The following FCHO1 variants were observed in gnomAD, a reference collection of about 807,000 sequenced individuals.
FCHO1 encodes F-BAR domain only protein 1.
FCHO1 carries 45 observed loss-of-function variants against 114.4 expected under a neutral mutation model. That is an observed-to-expected ratio of 0.39 (90% CI 0.31 to 0.50). The LOEUF (loss-of-function observed/expected upper bound fraction) is 0.50. Among genes scored for constraint, FCHO1 ranks in the 20% least tolerant of loss-of-function variants. The probability of loss-of-function intolerance (pLI) is 0.77; values close to 1 mark genes in which losing one functional copy is unlikely to be tolerated. For missense variants in FCHO1, 1,042 were observed against 1,209.6 expected, an observed-to-expected ratio of 0.86 and a Z score of 2.06; for synonymous variants, 480 against 488.9, an observed-to-expected ratio of 0.98 and a Z score of 0.24.
chr19:17,772,729 C>G lies in FCHO1; in HGVS notation c.778C>G (p.Arg260Gly). ...RKFAESKGTG[R>G]EKPGPLDFEA... Reference sequence around the variant, plus strand: ...GTTTGCAGAGAGTAAGGGCACAGGCCGGGAGAAGCCTGGTGAGTCAGGGCA... The same window carrying G: ...GTTTGCAGAGAGTAAGGGCACAGGCGGGGAGAAGCCTGGTGAGTCAGGGCA... The change falls in exon 11 of 29, where the codon CGG becomes GGG. Residue 260 changes from arginine (R) to glycine (G), a missense_variant. Coordinates refer to ENST00000596536, the MANE Select transcript of FCHO1 (RefSeq NM_015122.3). The G allele has an allele frequency of 6.2e-7, 1 of 1,614,042 alleles. No individual in the cohort carries two copies. The highest frequency in any genetic ancestry group is 1.1e-5 in the South Asian group (1 of 91,068).
Position 17,784,964 on chromosome 19 carries a change from C to A in FCHO1, c.2426+40C>A. ...GAGGCCAAGGAAAACTCAGCAGTTT[C>A]CCCCATAACCCCAGACCTTCTCCCT... is the stretch of plus-strand genomic sequence containing the variant. On this transcript the variant is annotated intron_variant, in intron 26 of 28. Transcript: ENST00000596536. The surrounding 1 kb of genome is among the most constrained non-coding windows in gnomAD (Gnocchi z 5.3). The A allele has an allele frequency of 6.3e-7, 1 of 1,585,982 alleles. No homozygotes were observed.
intron 20 of FCHO1, 139 bp from the exon 21 acceptor site, chr19:17,781,092 C>A: frequency 1.6e-6 from 1 of 639,750 alleles, no homozygotes. Context: ...ACCTTTTCTG[C>A]AACACCAGGA....
chr19:17,753,084 A>G (rs1439220531), intron 1 of FCHO1, among the ~76,000 whole-genome samples: 1 of 148,442 alleles, frequency 6.7e-6, no homozygotes, highest in East Asian at 1.9e-4. Context: ...CCTGTCTCCA[A>G]AAAAAAAAAA....
rs550726042 is a variant in FCHO1 at position 17,784,976 on chromosome 19, C to T, written c.2426+52C>T. On this transcript the variant is annotated intron_variant, in intron 26 of 28. Transcript: ENST00000596536. This position sits in a 1 kb window ranked among gnomAD's most constrained non-coding sequence, Gnocchi z 5.3. Reference sequence around the variant, plus strand: ...AACTCAGCAGTTTCCCCCATAACCCCAGACCTTCTCCCTGATGCATTGATT... The same window carrying T: ...AACTCAGCAGTTTCCCCCATAACCCTAGACCTTCTCCCTGATGCATTGATT... 2.6e-6 allele frequency: 4 copies of T among 1,564,764 alleles called. No homozygotes were observed. The highest frequency in any genetic ancestry group is 2.7e-5 in the African/African-American group (2 of 74,302).
chr19:17,784,604 T>A lies in FCHO1; in HGVS notation c.2227-121T>A, dbSNP rs895758153. 2.6e-5 allele frequency: 25 copies of A among 947,786 alleles called. No homozygotes were observed. The highest frequency in any genetic ancestry group is 3.5e-5 in the Non-Finnish European group (21 of 591,736). 58.7% of individuals were successfully genotyped at this position (947,786 alleles called of 1,614,324 possible). ...CAGCCTCTCATCCATCAAATCTCCCTGTGACTGGACCCCCTTGGGGCGGTG... is the reference window on the plus strand; with the variant it reads ...CAGCCTCTCATCCATCAAATCTCCCAGTGACTGGACCCCCTTGGGGCGGTG... On this transcript the variant is annotated intron_variant, in intron 25 of 28. Transcript: ENST00000596536. This position sits in a 1 kb window ranked among gnomAD's most constrained non-coding sequence, Gnocchi z 5.3.
chr19:17,762,181 T>C (rs2086554210), intron 4 of FCHO1, among the ~76,000 whole-genome samples: 2 of 152,164 alleles, frequency 1.3e-5, no homozygotes, highest in Non-Finnish European at 2.9e-5. Flanking sequence ...AGACGGAGTT[T>C]TGCCATGTTG....
intron 26 of FCHO1, among the ~76,000 whole-genome samples, chr19:17,785,563 G>A (rs2093801348): frequency 6.6e-6 from 1 of 152,130 alleles, no homozygotes; most frequent in South Asian, 2.1e-4. Flanking sequence ...GCCGGGTGCG[G>A]TGGCTCACAC....
chr19:17,755,289 C>A, intron 4 of FCHO1, 98 bp downstream of exon 4: 1 of 1,106,062 alleles, frequency 9.0e-7, no homozygotes, highest in Non-Finnish European at 1.3e-6. Flanking sequence ...CAGCCTTGGA[C>A]AGGTAGAGGA....
In FCHO1 at chr19:17,778,613, T is replaced by C; in HGVS notation, c.1356T>C (p.Ser452=). ...SAFDHEDFTG[S]SSLGFTSSPS... ...CCGCCCGCTTCCCTCCCCAAGGCTC[T>C]AGCAGCCTGGGCTTCACCTCCAGCC... Residue 452 remains serine, a synonymous_variant, in exon 20 of 29, where the codon TCT becomes TCC. Transcript: ENST00000596536. 4.5e-6 allele frequency: 7 copies of C among 1,557,990 alleles called. No individual in the cohort carries two copies. The highest frequency in any genetic ancestry group is 5.2e-6 in the Non-Finnish European group (6 of 1,152,096).
At chr19:17,773,005 C>G (rs138074828) in intron 11 of FCHO1, among the ~76,000 whole-genome samples, 140 of 152,242 alleles carry the variant, frequency 9.2e-4, no homozygotes, top group Non-Finnish European at 1.4e-3. Context: ...GCTGACAAGT[C>G]CAGCTCTCCA....
chr19:17,763,168 C>T (rs1424479684), intron 5 of FCHO1, among the ~76,000 whole-genome samples: 1 of 151,620 alleles, frequency 6.6e-6, no homozygotes, highest in African/African-American at 2.4e-5. Context: ...CCAATCATAG[C>T]TCACTGCAGC....
upstream of FCHO1, chr19:17,747,915 C>G (rs1024269437): frequency 1.3e-5 from 2 of 152,324 alleles, no homozygotes; most frequent in African/African-American, 4.8e-5. Flanking sequence ...GGCAAAGGCG[C>G]GGCGGGACGC....
At chr19:17,779,005 C>A in intron 20 of FCHO1, 121 bp downstream of exon 20, 1 of 1,084,616 alleles carries the variant, frequency 9.2e-7, no homozygotes, top group Non-Finnish European at 1.3e-6. Flanking sequence ...CAGGCAGAAC[C>A]TCCCACCGTT....
intron 6 of FCHO1, 196 bp from the exon 7 acceptor site, chr19:17,766,473 C>T: frequency 1.6e-6 from 1 of 616,570 alleles, no homozygotes; most frequent in South Asian, 2.0e-5. Context: ...TTGGGAGGAG[C>T]TATAGAGCTC....
In FCHO1 at chr19:17,774,189, A is replaced by G. The variant is rs575524887; in HGVS notation, c.791-50A>G. 4.7e-5 allele frequency: 75 copies of G among 1,586,778 alleles called. No individual in the cohort carries two copies. The South Asian group carries it at 5.5e-4, about 12-fold the overall frequency. On this transcript the variant is annotated intron_variant, in intron 11 of 28. Transcript: ENST00000596536. ...CTCCCAAAGTGCTGGGATTACAGGC[A>G]TGGGCCACCGTGCCCAGCCCCTCAA...
chr19:17,778,364 C>A, intron 19 of FCHO1, 136 bp downstream of exon 19: 1 of 819,838 alleles, frequency 1.2e-6, no homozygotes, highest in Non-Finnish European at 2.0e-6. Context: ...GTGGGCGGGG[C>A]CAGAGTGCGC....
In FCHO1 at chr19:17,755,107, T is replaced by C. The variant is rs577982126; in HGVS notation, c.-47-11T>C. 1.9e-6 allele frequency: 3 copies of C among 1,582,926 alleles called. No homozygotes were observed. In the East Asian group the frequency reaches 6.7e-5, roughly 35 times the overall value. On this transcript the variant is annotated splice_polypyrimidine_tract_variant and intron_variant, in intron 3 of 28. Transcript: ENST00000596536. ...AATGACTCTGTAGCTCAAACTTGCCTCTCTCTTCAGACAGGCACTGGACGG... is the reference window on the plus strand; with the variant it reads ...AATGACTCTGTAGCTCAAACTTGCCCCTCTCTTCAGACAGGCACTGGACGG...
chr19:17,764,770 A>C (rs2146674827), intron 6 of FCHO1, among the ~76,000 whole-genome samples: 2 of 152,226 alleles, frequency 1.3e-5, no homozygotes. Context: ...TGAGGTGAAA[A>C]GTGCTGGGAA....
intron 23 of FCHO1, among the ~76,000 whole-genome samples, 167 bp downstream of exon 23, chr19:17,781,987 CTTTTTTTTTT>C (rs67498129): frequency 7.9e-6 from 1 of 126,032 alleles, no homozygotes; most frequent in African/African-American, 3.4e-5. Context: ...ATAGGAGGGC[CTTTTTTTTTT>C]TTTTTTTTTT....
Sources: gnomAD v4.1 joint callset for allele counts (sites outside exome capture counted in the v4.1 genomes callset) on GRCh38, gnomAD v4.1.1 for gene constraint, Gnocchi (gnomAD v3.1) non-coding constraint, MANE v1.5 for transcripts, NCBI Gene and HGNC (gene_info 2026-07-23, HGNC 2026-07-21) for gene names.